The following AFG2A variants were observed in gnomAD, a reference collection of about 807,000 sequenced individuals.
The protein encoded by AFG2A is ATPase family gene 2 protein homolog A.
At chr4:123,261,164 G>A in the AFG2A span, among the ~76,000 whole-genome samples, 6 of 152,102 alleles carry the variant, frequency 3.9e-5, no homozygotes, top group Non-Finnish European at 5.9e-5. Flanking sequence ...CTGCTGCTAT[G>A]GACTGTCTGC....
At chr4:123,193,686 A>T in the AFG2A span, among the ~76,000 whole-genome samples, 1 of 152,248 alleles carries the variant, frequency 6.6e-6, no homozygotes, top group Admixed American at 6.5e-5. Context: ...TTAACATCTA[A>T]TATGCAATGT....
At chr4:123,184,906 C>A in the AFG2A span, among the ~76,000 whole-genome samples, 1 of 152,120 alleles carries the variant, frequency 6.6e-6, no homozygotes, top group Non-Finnish European at 1.5e-5. Context: ...AATGTTGATT[C>A]TTTGGTTAGC....
the AFG2A span, among the ~76,000 whole-genome samples, chr4:123,293,496 G>A: frequency 2.3e-4 from 35 of 152,136 alleles, no homozygotes; most frequent in African/African-American, 8.0e-4. Flanking sequence ...AAATACTGCT[G>A]CTTCTCTAGG....
chr4:123,044,581 G>T, the AFG2A span, among the ~76,000 whole-genome samples: 2 of 152,054 alleles, frequency 1.3e-5, no homozygotes, highest in African/African-American at 4.8e-5. Context: ...TACCCTTAGT[G>T]CCTCAAACTG....
chr4:123,183,747 G>A, the AFG2A span, among the ~76,000 whole-genome samples: 2 of 152,092 alleles, frequency 1.3e-5, no homozygotes, highest in Non-Finnish European at 2.9e-5. Flanking sequence ...GGCCCAACCT[G>A]GTTTTTCTTG....
the AFG2A span, chr4:122,933,339 A>T: frequency 4.1e-5 from 37 of 903,830 alleles, no homozygotes; most frequent in Non-Finnish European, 6.3e-5. Flanking sequence ...TATTCTTTTG[A>T]TTAAGTCTAT....
chr4:122,948,311 G>T, the AFG2A span, among the ~76,000 whole-genome samples: 1 of 150,042 alleles, frequency 6.7e-6, no homozygotes, highest in South Asian at 2.1e-4. Context: ...TTAGATTTTG[G>T]TATCTTAGGG....
At chr4:122,990,586 A>AT in the AFG2A span, among the ~76,000 whole-genome samples, 160 of 148,234 alleles carry the variant, frequency 1.1e-3, no homozygotes, top group Middle Eastern at 7.0e-3. Context: ...TTTGTTTTCA[A>AT]TTTTTTTTTT....
the AFG2A span, among the ~76,000 whole-genome samples, chr4:123,189,932 A>G: frequency 1.4e-5 from 2 of 144,390 alleles, no homozygotes; most frequent in East Asian, 2.1e-4. Flanking sequence ...CAGCTTCCCA[A>G]GTAGCTGGAA....
the AFG2A span, among the ~76,000 whole-genome samples, chr4:123,186,255 C>T: frequency 2.6e-5 from 4 of 152,008 alleles, no homozygotes; most frequent in South Asian, 2.1e-4. Flanking sequence ...TTTCTGTTTT[C>T]GTTTACAACT....
At chr4:123,156,729 C>T in the AFG2A span, among the ~76,000 whole-genome samples, 1 of 142,446 alleles carries the variant, frequency 7.0e-6, no homozygotes, top group African/African-American at 2.6e-5. Flanking sequence ...CCTCCAAAGG[C>T]TTTATGTTCT....
the AFG2A span, among the ~76,000 whole-genome samples, chr4:123,029,745 C>T: frequency 1.3e-5 from 2 of 152,106 alleles, no homozygotes; most frequent in African/African-American, 4.8e-5. Context: ...TCAAGCTATT[C>T]TTCTGCCTCA....
At chr4:123,306,707 C>A in the AFG2A span, among the ~76,000 whole-genome samples, 1 of 152,106 alleles carries the variant, frequency 6.6e-6, no homozygotes, top group Non-Finnish European at 1.5e-5. Flanking sequence ...AGACATGCAC[C>A]ACCACACCCG....
chr4:123,212,801 G>C, the AFG2A span, among the ~76,000 whole-genome samples: 8 of 152,070 alleles, frequency 5.3e-5, no homozygotes, highest in Admixed American at 5.2e-4. Context: ...AAATCAAACT[G>C]CACTTTCACT....
At chr4:123,028,218 T>C in the AFG2A span, 1 of 1,614,136 alleles carries the variant, frequency 6.2e-7, no homozygotes, top group Non-Finnish European at 8.5e-7. Flanking sequence ...GACTGGAAAG[T>C]ATCAAACTGA....
chr4:123,227,807 G>A, the AFG2A span, among the ~76,000 whole-genome samples: 13 of 152,112 alleles, frequency 8.5e-5, no homozygotes, highest in African/African-American at 3.1e-4. Flanking sequence ...TGTTGACAGT[G>A]GGGTGTTAAA....
the AFG2A span, among the ~76,000 whole-genome samples, chr4:123,158,303 G>A: frequency 6.6e-6 from 1 of 152,174 alleles, no homozygotes; most frequent in Non-Finnish European, 1.5e-5. Flanking sequence ...AAAGTGTGGG[G>A]ATCCTCTTGG....
the AFG2A span, among the ~76,000 whole-genome samples, chr4:123,101,177 A>G: frequency 1.3e-4 from 20 of 151,918 alleles, no homozygotes; most frequent in African/African-American, 4.8e-4. Flanking sequence ...AAGATCCCCA[A>G]TCTAGGTGAA....
the AFG2A span, among the ~76,000 whole-genome samples, chr4:122,953,375 G>A: frequency 1.3e-5 from 2 of 152,134 alleles, no homozygotes; most frequent in African/African-American, 4.8e-5. Context: ...TGCCATTTTA[G>A]CCCCTTGGAA....
Sources: gnomAD v4.1 joint callset for allele counts (sites outside exome capture counted in the v4.1 genomes callset) on GRCh38, gnomAD v4.1.1 for gene constraint, MANE v1.5 for transcripts, NCBI Gene and HGNC (gene_info 2026-07-23, HGNC 2026-07-21) for gene names.